The following MMRN1 variants were observed in gnomAD, a reference collection of about 807,000 sequenced individuals.
The protein encoded by MMRN1 is multimerin-1.
In MMRN1, 94 loss-of-function variants were observed where a neutral mutation model predicts 100.7. That is an observed-to-expected ratio of 0.93 (90% confidence interval 0.79 to 1.11). MMRN1 has a LOEUF of 1.11. Ranked by LOEUF, MMRN1 falls within the 50% of genes least tolerant of loss-of-function variation. The pLI is 0.00. For missense variants in MMRN1, 1,606 were observed against 1,439.1 expected (o/e 1.12, Z -1.88); for synonymous variants, 575 against 505.0 (o/e 1.14, Z -1.86).
chr4:89,923,252 A>T lies in MMRN1; in HGVS notation c.935A>T (p.Gln312Leu). The change falls in exon 4 of 8, where the codon CAG (glutamine) becomes CTG (leucine). Residue 312 changes from glutamine (Q) to leucine (L), a missense_variant. By Grantham distance (113) the Gln-to-Leu change is moderately radical. Transcript: ENST00000264790. The part of the protein sequence containing the change: ...VGRGVAEQQQ[Q>L]QGCGDPEVMQ... ...AGAGGAGTAGCTGAGCAGCAGCAGC[A>T]GCAAGGCTGTGGTGACCCAGGTCAT... The T allele has an allele frequency of 6.2e-7, 1 of 1,613,990 alleles. No homozygotes were observed. The highest frequency in any genetic ancestry group is 8.5e-7 in the Non-Finnish European group (1 of 1,179,844).
intron 1 of MMRN1, among the ~76,000 whole-genome samples, chr4:89,903,180 C>T (rs1363681483): frequency 1.3e-5 from 2 of 151,588 alleles, no homozygotes; most frequent in Non-Finnish European, 2.9e-5. Context: ...ATTATTTTCT[C>T]ATTTATGACT....
In MMRN1 at chr4:89,910,453, T is replaced by G. The variant is rs1721713196; in HGVS notation, c.743+1058T>G. Among the ~76,000 whole-genome samples the G allele has an allele frequency of 2.6e-5, 4 of 151,502 alleles. No individual in the cohort carries two copies. The Admixed American group carries it at 2.6e-4, about 10-fold the overall frequency. ...ATCTTTATTCTCGAATCTTATCTTTTTTATGCCTTCTGAGTGGGTGCATTC... is the reference window on the plus strand; with the variant it reads ...ATCTTTATTCTCGAATCTTATCTTTGTTATGCCTTCTGAGTGGGTGCATTC... On this transcript the variant is annotated intron_variant, in intron 2 of 7. Transcript: ENST00000264790.
chr4:89,952,979 C>A lies in MMRN1; in HGVS notation c.3266-18C>A. The A allele has an allele frequency of 6.5e-7, 1 of 1,543,998 alleles. No individual in the cohort carries two copies. The highest frequency in any genetic ancestry group is 1.2e-5 in the South Asian group (1 of 80,158). On this transcript the variant is annotated intron_variant, in intron 7 of 7. Transcript: ENST00000264790. ...TAAAAACATGAAAATTAACTCTTGC[C>A]ATTTTTTCCTCTAACAGATTTTTCC...
rs1722575331 is a variant in MMRN1 at position 89,935,297 on chromosome 4, C to G, written c.1617C>G (p.Ser539Arg). Residue 539 changes from serine (S) to arginine (R), a missense_variant, in exon 6 of 8, where the codon AGC (serine) becomes AGG (arginine). Physicochemically the swap from Ser to Arg is moderately radical, Grantham distance 110. Coordinates refer to ENST00000264790, the MANE Select transcript of MMRN1 (RefSeq NM_007351.3). ...QKNAPAAESVSNNVTEYMSTL... is the reference protein window; with the variant it reads ...QKNAPAAESVRNNVTEYMSTL... ...ATGCTCCAGCTGCTGAGTCAGTTAGCAATAATGTCACTGAGTACATGTCTA... is the reference window on the plus strand; with the variant it reads ...ATGCTCCAGCTGCTGAGTCAGTTAGGAATAATGTCACTGAGTACATGTCTA... The G allele has an allele frequency of 6.2e-7, 1 of 1,613,528 alleles. No individual in the cohort carries two copies. Among genetic ancestry groups the G allele is most frequent in the Non-Finnish European group, 8.5e-7 (1 of 1,179,760 alleles).
At position 89,935,478 on chromosome 4, in the gene MMRN1, A is replaced by G. The variant is rs372036093; in HGVS notation, c.1798A>G (p.Arg600Gly). The G allele has an allele frequency of 5.6e-6, 9 of 1,613,442 alleles. No homozygotes were observed. In the African/African-American group the frequency reaches 1.2e-4, roughly 22 times the overall value. ...GECEDMLSKC[R>G]NDFKFQLKDT... ...ATGTGAAGACATGTTATCCAAATGCAGAAATGATTTTAAATTTCAACTTAA... is the reference window on the plus strand; with the variant it reads ...ATGTGAAGACATGTTATCCAAATGCGGAAATGATTTTAAATTTCAACTTAA... The change falls in exon 6 of 8, where the codon AGA (arginine) becomes GGA (glycine). Residue 600 changes from arginine (R) to glycine (G), a missense_variant. By Grantham distance (125) the Arg-to-Gly change is moderately radical. Transcript: ENST00000264790.
At chr4:89,889,051 A>G (rs1319588858) in intron 1 of MMRN1, among the ~76,000 whole-genome samples, 1 of 152,164 alleles carries the variant, frequency 6.6e-6, no homozygotes, top group African/African-American at 2.4e-5. Flanking sequence ...TACCTCAGAG[A>G]AGGACATTCT....
At chr4:89,896,198 GT>G (rs1721202019) in intron 1 of MMRN1, among the ~76,000 whole-genome samples, 1 of 152,072 alleles carries the variant, frequency 6.6e-6, no homozygotes, top group South Asian at 2.1e-4. Flanking sequence ...CAGGGTTCTC[GT>G]TCAGATAAAA....
chr4:89,892,703 G>C (rs17806125), upstream of MMRN1, among the ~76,000 whole-genome samples: 1 of 151,874 alleles, frequency 6.6e-6, no homozygotes, highest in African/African-American at 2.4e-5. Context: ...GTGAGCAAAA[G>C]TCATTATTGG....
chr4:89,942,180 G>A (rs373400131), intron 6 of MMRN1, among the ~76,000 whole-genome samples: 1 of 152,236 alleles, frequency 6.6e-6, no homozygotes, highest in South Asian at 2.1e-4. Flanking sequence ...ATATGCTTGG[G>A]TTCTTTCCCA....
At chr4:89,950,500 G>A (rs1486948630) in intron 6 of MMRN1, among the ~76,000 whole-genome samples, 2 of 151,924 alleles carry the variant, frequency 1.3e-5, no homozygotes, top group South Asian at 2.1e-4. Flanking sequence ...GACATGACTG[G>A]ATATTTTCTA....
chr4:89,928,013 G>T, intron 5 of MMRN1, 45 bp downstream of exon 5: 2 of 1,406,688 alleles, frequency 1.4e-6, no homozygotes, highest in Non-Finnish European at 1.9e-6. Flanking sequence ...AACACAGAAA[G>T]CAAATGATTC....
chr4:89,918,663 C>T (rs1341763564), intron 3 of MMRN1, among the ~76,000 whole-genome samples: 2 of 151,786 alleles, frequency 1.3e-5, no homozygotes, highest in Admixed American at 6.6e-5. Flanking sequence ...ATTATACTTT[C>T]AGTCAGAAAT....
chr4:89,924,933 T>C (rs1163335453), intron 4 of MMRN1, among the ~76,000 whole-genome samples: 9 of 152,146 alleles, frequency 5.9e-5, no homozygotes, highest in Non-Finnish European at 1.3e-4. Context: ...ACTGTTTTGA[T>C]ACAGGTACAC....
chr4:89,937,176 T>A (rs751671811), intron 6 of MMRN1, among the ~76,000 whole-genome samples: 34 of 152,246 alleles, frequency 2.2e-4, no homozygotes, highest in Admixed American at 1.3e-3. Context: ...ATATCTGATA[T>A]GCAATAGGAA....
chr4:89,919,123 T>C (rs1212892123), intron 3 of MMRN1, among the ~76,000 whole-genome samples: 1 of 151,564 alleles, frequency 6.6e-6, no homozygotes, highest in Non-Finnish European at 1.5e-5. Flanking sequence ...ATTAGGTAAG[T>C]TCTGTAATAC....
At chr4:89,926,576 G>A (rs1010329562) in intron 4 of MMRN1, among the ~76,000 whole-genome samples, 2 of 151,982 alleles carry the variant, frequency 1.3e-5, no homozygotes, top group African/African-American at 4.8e-5. Context: ...TCATTCTGTG[G>A]GTTGTGTCTT....
intron 6 of MMRN1, among the ~76,000 whole-genome samples, chr4:89,945,388 G>C (rs1166675889): frequency 6.6e-6 from 1 of 152,078 alleles, no homozygotes; most frequent in Non-Finnish European, 1.5e-5. Flanking sequence ...TTGGTTATAA[G>C]ATACATAGTT....
intron 1 of MMRN1, among the ~76,000 whole-genome samples, chr4:89,900,134 A>G (rs1424845454): frequency 6.6e-6 from 1 of 152,086 alleles, no homozygotes; most frequent in Non-Finnish European, 1.5e-5. Flanking sequence ...TGAAACTGGT[A>G]AAGTATTTCG....
intron 3 of MMRN1, among the ~76,000 whole-genome samples, chr4:89,914,547 G>A (rs1234656265): frequency 6.6e-6 from 1 of 151,318 alleles, no homozygotes; most frequent in African/African-American, 2.4e-5. Flanking sequence ...GGGAAAAAAG[G>A]AGTACTAAGT....
Sources: gnomAD v4.1 joint callset for allele counts (sites outside exome capture counted in the v4.1 genomes callset) on GRCh38, gnomAD v4.1.1 for gene constraint, MANE v1.5 for transcripts, NCBI Gene and HGNC (gene_info 2026-07-23, HGNC 2026-07-21) for gene names.